The following CD200R1L variants were observed in gnomAD, a reference collection of about 807,000 sequenced individuals.
CD200R1L encodes cell surface glycoprotein CD200 receptor 2.
Under a neutral mutation model 24.8 loss-of-function variants are expected in CD200R1L, and 14 were observed. The observed-to-expected ratio is 0.56, with a 90% CI of 0.37 to 0.88. The LOEUF (loss-of-function observed/expected upper bound fraction) is 0.88, where lower values mean the gene tolerates loss of function less well. Ranked by LOEUF, CD200R1L falls within the 40% of genes least tolerant of loss-of-function variation. The probability of loss-of-function intolerance (pLI) is 0.00; values close to 1 mark genes in which losing one functional copy is unlikely to be tolerated. For missense variants in CD200R1L, 299 were observed against 297.8 expected (o/e 1.00, Z -0.03); for synonymous variants, 111 against 109.2 (o/e 1.02, Z -0.11).
chr3:112,816,045 C>A, intron 7 of CD200R1L, 70 bp from the exon 8 acceptor site: 1 of 756,286 alleles, frequency 1.3e-6, no homozygotes. Context: ...GCATACTCAG[C>A]AAAGGAAACT....
intron 3 of CD200R1L, among the ~76,000 whole-genome samples, chr3:112,835,291 A>G (rs1938910935): frequency 6.6e-6 from 1 of 152,176 alleles, no homozygotes; most frequent in African/African-American, 2.4e-5. Flanking sequence ...AGTAGAGAAG[A>G]AACCCTAGAG....
chr3:112,830,719 C>A (rs1449742982), intron 3 of CD200R1L, among the ~76,000 whole-genome samples: 1 of 151,886 alleles, frequency 6.6e-6, no homozygotes, highest in Non-Finnish European at 1.5e-5. Flanking sequence ...TTCTACATGC[C>A]AATTTCTTCT....
At chr3:112,830,892 A>G (rs78580999) in intron 3 of CD200R1L, among the ~76,000 whole-genome samples, 1 of 149,562 alleles carries the variant, frequency 6.7e-6, no homozygotes. Flanking sequence ...AAAAAAAAAA[A>G]GTGCAGAGAA....
intron 6 of CD200R1L, among the ~76,000 whole-genome samples, chr3:112,821,866 G>A (rs1231083985): frequency 6.6e-6 from 1 of 152,224 alleles, no homozygotes; most frequent in Non-Finnish European, 1.5e-5. Flanking sequence ...TCAGGGAGAA[G>A]CAGGACTTGA....
chr3:112,834,512 A>C (rs959630630), intron 3 of CD200R1L, among the ~76,000 whole-genome samples: 13 of 152,098 alleles, frequency 8.5e-5, no homozygotes, highest in Non-Finnish European at 1.6e-4. Context: ...GTAGGCACAA[A>C]ATGGAGTTGC....
At chr3:112,838,810 A>C (rs532797556) in intron 2 of CD200R1L, among the ~76,000 whole-genome samples, 1 of 152,220 alleles carries the variant, frequency 6.6e-6, no homozygotes, top group Non-Finnish European at 1.5e-5. Flanking sequence ...TAATAACTAC[A>C]ATCAGTTGAT....
At chr3:112,830,926 C>T (rs541217748) in intron 3 of CD200R1L, among the ~76,000 whole-genome samples, 1 of 151,680 alleles carries the variant, frequency 6.6e-6, no homozygotes, top group East Asian at 1.9e-4. Context: ...TTGCTGTCTC[C>T]AGCATTTGGA....
chr3:112,831,188 A>G (rs928911382), intron 3 of CD200R1L, among the ~76,000 whole-genome samples: 3 of 152,194 alleles, frequency 2.0e-5, no homozygotes, highest in Non-Finnish European at 2.9e-5. Flanking sequence ...AATTTTAGTT[A>G]TGGTTAACTA....
intron 3 of CD200R1L, among the ~76,000 whole-genome samples, chr3:112,831,738 T>C (rs1469696399): frequency 6.6e-6 from 1 of 152,162 alleles, no homozygotes; most frequent in Non-Finnish European, 1.5e-5. Context: ...ACAGATCCTT[T>C]CGTAGTGCCT....
chr3:112,838,395 C>G (rs1380832036), intron 2 of CD200R1L, among the ~76,000 whole-genome samples: 4 of 151,624 alleles, frequency 2.6e-5, no homozygotes, highest in Non-Finnish European at 4.4e-5. Flanking sequence ...CAACCTCCCC[C>G]ACTTCAAATA....
intron 6 of CD200R1L, among the ~76,000 whole-genome samples, chr3:112,825,271 A>G (rs1938632262): frequency 6.6e-6 from 1 of 151,310 alleles, no homozygotes; most frequent in African/African-American, 2.4e-5. Flanking sequence ...AAAAAAAAGA[A>G]ATTGCATGTA....
intron 6 of CD200R1L, among the ~76,000 whole-genome samples, chr3:112,822,725 G>C (rs545359751): frequency 3.3e-5 from 5 of 152,276 alleles, no homozygotes; most frequent in African/African-American, 1.2e-4. Context: ...AAAAATCTAA[G>C]CTGTTGGAAT....
chr3:112,840,987 G>C (rs1174556117), intron 2 of CD200R1L, among the ~76,000 whole-genome samples: 1 of 152,156 alleles, frequency 6.6e-6, no homozygotes, highest in East Asian at 1.9e-4. Context: ...CATAACCACA[G>C]ATCTGCTCCT....
At chr3:112,818,030 A>T (rs975922816) in intron 7 of CD200R1L, among the ~76,000 whole-genome samples, 4 of 152,172 alleles carry the variant, frequency 2.6e-5, no homozygotes, top group African/African-American at 9.7e-5. Context: ...TGAGAATAGC[A>T]CGGGAAAGAC....
chr3:112,827,656 A>G lies in CD200R1L; in HGVS notation c.78T>C (p.Asp26=), dbSNP rs779925062. 1 of 1,613,872 alleles carries G rather than the reference A, an allele frequency of 6.2e-7. No homozygotes were observed. Among genetic ancestry groups the G allele is most frequent in the Non-Finnish European group, 8.5e-7 (1 of 1,179,848 alleles). ...GAGGGCAACAAAGCACAGCATTTAT[A>G]TCCATCAGTACAGGCTGTGAAATGT... ...EGNISQPVLM[D]INAVLCCPPI... The change falls in exon 5 of 8, where the codon GAT becomes GAC. Residue 26 remains aspartate, a synonymous_variant. Transcript: ENST00000488794.
intron 7 of CD200R1L, among the ~76,000 whole-genome samples, chr3:112,818,185 A>G (rs1576083532): frequency 6.6e-6 from 1 of 152,200 alleles, no homozygotes; most frequent in East Asian, 1.9e-4. Flanking sequence ...GTCTTCTTTT[A>G]AATAAAAAAT....
At chr3:112,819,469 A>G (rs925688937) in intron 7 of CD200R1L, among the ~76,000 whole-genome samples, 4 of 152,196 alleles carry the variant, frequency 2.6e-5, no homozygotes, top group Non-Finnish European at 5.9e-5. Context: ...GAAAGTAAAC[A>G]CTTGAGAAGC....
chr3:112,829,446 T>C, intron 3 of CD200R1L, 62 bp from the exon 4 acceptor site: 4 of 1,475,514 alleles, frequency 2.7e-6, no homozygotes, highest in Non-Finnish European at 3.8e-6. Context: ...TGGAAACAAG[T>C]GTTTCCCCAC....
Position 112,827,237 on chromosome 3 carries a change from TG to T in CD200R1L, c.371del (p.Thr124AsnfsTer4). 1 of 1,609,996 alleles carries T rather than the reference TG, an allele frequency of 6.2e-7. No homozygotes were observed. Among genetic ancestry groups the T allele is most frequent in the Non-Finnish European group, 8.5e-7 (1 of 1,177,874 alleles). Reference sequence around the variant, plus strand: ...TGCTTTGAAATAGGTTCACTTCGGGTGTAACTGCAGAGAGGAAAGAGGGAAA... The same window carrying T: ...TGCTTTGAAATAGGTTCACTTCGGGTTAACTGCAGAGAGGAAAGAGGGAAA... ...HRGYHLQVLV[T>X]PEVNLFQSRN... On this transcript the variant is annotated frameshift_variant, in exon 6 of 8. Transcript: ENST00000488794. LOFTEE classifies it high-confidence loss of function.
Sources: gnomAD v4.1 joint callset for allele counts (sites outside exome capture counted in the v4.1 genomes callset) on GRCh38, gnomAD v4.1.1 for gene constraint, MANE v1.5 for transcripts, NCBI Gene and HGNC (gene_info 2026-07-23, HGNC 2026-07-21) for gene names.